HUWE1: variants seen among roughly 807,000 people sequenced by gnomAD.
HUWE1 encodes the protein E3 ubiquitin-protein ligase HUWE1.
HUWE1 carries 18 observed loss-of-function variants against 299.4 expected under a neutral mutation model. The ratio of observed to expected loss-of-function variants is 0.06; its 90% CI spans 0.04 to 0.09. The LOEUF (loss-of-function observed/expected upper bound fraction) is 0.09, where lower values mean the gene tolerates loss of function less well. HUWE1 is among the 10% of genes least tolerant of loss of function. The pLI, the probability that HUWE1 is intolerant of heterozygous loss-of-function variation, is 1.00. For missense variants in HUWE1, 1,832 were observed against 3,462.3 expected, an observed-to-expected ratio of 0.53 and a Z score of 11.82; for synonymous variants, 1,317 against 1,286.1, an observed-to-expected ratio of 1.02 and a Z score of -0.51.
chrX:53,586,959 T>G (rs1556973898), intron 37 of HUWE1, 50 bp from the exon 38 acceptor site: 1 of 1,178,725 alleles, frequency 8.5e-7, no homozygotes, highest in Non-Finnish European at 1.2e-6. Context: ...CAATTTCTAC[T>G]CAGTAACAAA....
At chrX:53,661,552 G>T (rs1239420086) in intron 3 of HUWE1, among the ~76,000 whole-genome samples, 2 of 111,180 alleles carry the variant, frequency 1.8e-5, no homozygotes, top group Non-Finnish European at 3.8e-5. Flanking sequence ...AGTTAATCAG[G>T]TGAAAACCCT....
intron 46 of HUWE1, among the ~76,000 whole-genome samples, 154 bp from the exon 47 acceptor site, chrX:53,574,118 G>A (rs1225610484): frequency 8.9e-6 from 1 of 112,345 alleles, no homozygotes; most frequent in Non-Finnish European, 1.9e-5. Context: ...CAGAGAACCA[G>A]GATAACTCAG....
intron 3 of HUWE1, among the ~76,000 whole-genome samples, chrX:53,661,892 T>A (rs782373586): frequency 4.5e-5 from 5 of 112,129 alleles, no homozygotes; most frequent in Non-Finnish European, 9.4e-5. Context: ...AGAACAAGTG[T>A]ACACAACTAA....
intron 23 of HUWE1, among the ~76,000 whole-genome samples, chrX:53,609,278 A>G (rs781850954): frequency 1.8e-4 from 20 of 112,226 alleles, no homozygotes; most frequent in Non-Finnish European, 3.2e-4. Flanking sequence ...AAGCTATCCT[A>G]TCTTTGGCAA....
At chrX:53,683,367 C>T (rs1365451410) in intron 2 of HUWE1, among the ~76,000 whole-genome samples, 1 of 111,184 alleles carries the variant, frequency 9.0e-6, no homozygotes, top group Non-Finnish European at 1.9e-5. Context: ...AAGATGACCC[C>T]ACCTCGAGAA....
chrX:53,673,422 A>C (rs1407146262), intron 3 of HUWE1, among the ~76,000 whole-genome samples: 1 of 111,409 alleles, frequency 9.0e-6, no homozygotes, highest in Non-Finnish European at 1.9e-5. Context: ...AAATCCATTC[A>C]TGTTCCATAC....
intron 7 of HUWE1, among the ~76,000 whole-genome samples, chrX:53,634,761 T>C (rs1347071406): frequency 8.9e-6 from 1 of 112,095 alleles, no homozygotes; most frequent in Non-Finnish European, 1.9e-5. Flanking sequence ...GCTTTCCAGT[T>C]CCTCTCTTTT....
intron 3 of HUWE1, among the ~76,000 whole-genome samples, chrX:53,659,276 T>C (rs781862486): frequency 8.9e-6 from 1 of 112,751 alleles, no homozygotes; most frequent in South Asian, 3.6e-4. Flanking sequence ...TTCACTATTG[T>C]CAAAACTTGG....
intron 50 of HUWE1, 117 bp downstream of exon 50, chrX:53,564,950 G>T: frequency 1.1e-6 from 1 of 883,959 alleles, no homozygotes. Context: ...CACTATGACA[G>T]ATCTCTGGAA....
In HUWE1 at chrX:53,627,720, A is replaced by G. The variant is rs1557019161; in HGVS notation, c.1383+19T>C. ...CTGAGTATTAAATTCTGTGCAAAGC[A>G]TTCCTTGTATAATAATACCTCAAGT... On this transcript the variant is annotated intron_variant, in intron 16 of 83. Transcript: ENST00000262854. 4 of 1,179,929 alleles carry G rather than the reference A, an allele frequency of 3.4e-6. No homozygotes were observed. The highest frequency in any genetic ancestry group is 4.6e-6 in the Non-Finnish European group (4 of 866,869).
At position 53,552,206 on chromosome X, in the gene HUWE1, T is replaced by C. The variant is rs2061795525; in HGVS notation, c.8881+105A>G. ...CTTATTGTCAGTCCTCCCACATACA[T>C]GCCCTCCATCTAAATGGAACTGTTT... is the stretch of plus-strand genomic sequence containing the variant. On this transcript the variant is annotated intron_variant, in intron 63 of 83. Coordinates refer to ENST00000262854, the MANE Select transcript of HUWE1 (RefSeq NM_031407.7). 4.2e-6 allele frequency: 4 copies of C among 947,392 alleles called. No individual in the cohort carries two copies. The East Asian group carries it at 1.2e-4, about 30-fold the overall frequency. 78.1% of individuals were successfully genotyped at this position (947,392 alleles called of 1,213,427 possible).
At chrX:53,599,556 C>A (rs782027967) in intron 29 of HUWE1, among the ~76,000 whole-genome samples, 2 of 111,991 alleles carry the variant, frequency 1.8e-5, no homozygotes, top group Non-Finnish European at 3.8e-5. Context: ...TTGTATGCTG[C>A]CAATACAGTC....
In HUWE1 at chrX:53,544,545, A is replaced by G. The variant is rs2147134635; in HGVS notation, c.11251+15T>C. 1 of 1,190,908 alleles carries G rather than the reference A, an allele frequency of 8.4e-7. No homozygotes were observed. The highest frequency in any genetic ancestry group is 3.0e-5 in the East Asian group (1 of 33,692). The stretch of plus-strand genomic sequence containing the variant: ...CACCAACCCTTCCCCTCAACTGGAC[A>G]CTCTAGTTCCATACCTAGCCTGCCT... On this transcript the variant is annotated intron_variant, in intron 72 of 83. Coordinates refer to ENST00000262854, the MANE Select transcript of HUWE1 (RefSeq NM_031407.7).
intron 3 of HUWE1, among the ~76,000 whole-genome samples, chrX:53,662,079 A>C (rs1448338289): frequency 8.9e-6 from 1 of 111,970 alleles, no homozygotes; most frequent in African/African-American, 3.3e-5. Context: ...AGCCTTACTA[A>C]TCAAGTGTGG....
intron 43 of HUWE1, among the ~76,000 whole-genome samples, chrX:53,577,564 GC>G (rs1347754092): frequency 5.4e-5 from 6 of 110,802 alleles, no homozygotes; most frequent in African/African-American, 2.0e-4. Context: ...TCCCTCTGAT[GC>G]CGAGCCAAAG....
chrX:53,624,824 CTATTT>C (rs1462560218), intron 18 of HUWE1, 149 bp from the exon 19 acceptor site: 9 of 490,878 alleles, frequency 1.8e-5, no homozygotes, highest in Non-Finnish European at 3.2e-5. Flanking sequence ...TTGTCTCCTC[CTATTT>C]TATTATTTGT....
chrX:53,637,515 T>C (rs1557027347), intron 7 of HUWE1, among the ~76,000 whole-genome samples: 1 of 112,648 alleles, frequency 8.9e-6, no homozygotes, highest in African/African-American at 3.2e-5. Flanking sequence ...ACAATTATTT[T>C]CCTTTTGTTT....
chrX:53,643,145 G>C (rs972173387), intron 7 of HUWE1, among the ~76,000 whole-genome samples: 11 of 111,910 alleles, frequency 9.8e-5, no homozygotes, highest in African/African-American at 3.2e-4. Flanking sequence ...TGTGTTTTTT[G>C]TTGGGAAGTA....
intron 61 of HUWE1, among the ~76,000 whole-genome samples, chrX:53,553,974 T>G (rs978684773): frequency 2.7e-5 from 3 of 110,939 alleles, no homozygotes; most frequent in Admixed American, 1.9e-4. Context: ...CTGAGAAGAC[T>G]TTTCAGGCCC....
Sources: allele counts gnomAD v4.1 joint callset (sites outside exome capture counted in the v4.1 genomes callset), GRCh38; gene constraint gnomAD v4.1.1; transcripts MANE v1.5; gene names NCBI Gene and HGNC (gene_info 2026-07-23, HGNC 2026-07-21).